Variants in CRY2 observed in about 807,000 individuals in gnomAD.
The protein encoded by CRY2 is cryptochrome-2.
In CRY2, 31 loss-of-function variants were observed where a neutral mutation model predicts 69.5. The ratio of observed to expected loss-of-function variants is 0.45; its 90% CI spans 0.34 to 0.60. The LOEUF (loss-of-function observed/expected upper bound fraction) is 0.60, where lower values mean the gene tolerates loss of function less well. Ranked by LOEUF, CRY2 falls within the 20% of genes least tolerant of loss-of-function variation. CRY2 has a pLI of 0.02. For synonymous variants in CRY2, 303 were observed against 312.2 expected (o/e 0.97, Z 0.31); for missense variants, 606 against 797.8 (o/e 0.76, Z 2.90).
chr11:45,876,494 T>C (rs1270331691), intron 11 of CRY2, among the ~76,000 whole-genome samples: 1 of 152,236 alleles, frequency 6.6e-6, no homozygotes, highest in Non-Finnish European at 1.5e-5. Flanking sequence ...TGCTGACTGC[T>C]CCGGATTCCA....
Position 45,882,371 on chromosome 11 carries a change from C to T in CRY2, c.*1460C>T, listed in dbSNP as rs561791296. 126 of 361,128 alleles carry T rather than the reference C, an allele frequency of 3.5e-4. No individual in the cohort carries two copies. The highest frequency in any genetic ancestry group is 2.4e-3 in the African/African-American group (116 of 47,708). 22.4% of individuals were successfully genotyped at this position (361,128 alleles called of 1,614,324 possible). On this transcript the variant is annotated 3_prime_UTR_variant, in exon 12 of 12. Coordinates refer to ENST00000616080, the MANE Select transcript of CRY2 (RefSeq NM_021117.5). ...GTGTATCATTAAGCTGGCCTTTGGG[C>T]CTTTTCCTTTCTACCTCCCCTGTGA...
chr11:45,873,523 G>A (rs751991968), intron 11 of CRY2, among the ~76,000 whole-genome samples: 13 of 152,228 alleles, frequency 8.5e-5, no homozygotes, highest in East Asian at 1.9e-4. Context: ...AACTTGCCAG[G>A]CTGACACTCT....
intron 10 of CRY2, 101 bp downstream of exon 10, chr11:45,871,035 TATATTCCACCTGGGGCAGTCAG>T: frequency 1.1e-6 from 1 of 935,766 alleles, no homozygotes; most frequent in Non-Finnish European, 1.6e-6. Flanking sequence ...CAGTGGAGCT[TATATTCCACCTGGGGCAGTCAG>T]ATAGTAAAGA....
intron 9 of CRY2, 28 bp from the exon 10 acceptor site, chr11:45,870,814 C>G: frequency 6.3e-7 from 1 of 1,585,940 alleles, no homozygotes; most frequent in South Asian, 1.1e-5. Flanking sequence ...CGAGACGGCA[C>G]TCTGATTACT....
chr11:45,868,272 C>T (rs929453289), intron 6 of CRY2, among the ~76,000 whole-genome samples: 2 of 152,186 alleles, frequency 1.3e-5, no homozygotes, highest in African/African-American at 4.8e-5. Context: ...CCTGTGTTAA[C>T]TGTCCCCAGA....
chr11:45,860,977 C>T lies in CRY2; in HGVS notation c.597C>T (p.Ala199=), dbSNP rs148696589. The T allele has an allele frequency of 3.6e-4, 573 of 1,613,982 alleles. 2 individuals carry two copies. The African/African-American group carries it at 6.7e-3, about 19-fold the overall frequency. Residue 199 remains alanine, a synonymous_variant, in exon 4 of 12, where the codon GCC becomes GCT. Coordinates refer to ENST00000616080, the MANE Select transcript of CRY2 (RefSeq NM_021117.5). The part of the protein sequence containing the change: ...VTSQQMESCR[A]EIQENHDETY... ...GCCAGCAGATGGAGAGCTGCAGGGC[C>T]GAGATCCAGGAGAACCACGACGAGA...
Position 45,867,751 on chromosome 11 carries a change from A to G in CRY2, c.881A>G (p.Lys294Arg). The G allele has an allele frequency of 6.2e-7, 1 of 1,614,180 alleles. No homozygotes were observed. Among genetic ancestry groups the G allele is most frequent in the Non-Finnish European group, 8.5e-7 (1 of 1,180,030 alleles). Reference protein sequence around the residue: ...FYYRLWDLYKKVKRNSTPPLS... With the variant: ...FYYRLWDLYKRVKRNSTPPLS... ...TACCGCCTGTGGGACCTGTATAAAA[A>G]GGTAAGGGGGACATACCTGCCCACA... Residue 294 changes from lysine to arginine, a missense_variant and splice_region_variant, in exon 6 of 12, where the codon AAG becomes AGG. Physicochemically the swap from Lys to Arg is conservative, Grantham distance 26. Coordinates refer to ENST00000616080, the MANE Select transcript of CRY2 (RefSeq NM_021117.5).
chr11:45,852,383 T>C (rs868243552), intron 1 of CRY2, among the ~76,000 whole-genome samples: 2 of 152,126 alleles, frequency 1.3e-5, no homozygotes, highest in Non-Finnish European at 1.5e-5. Context: ...AGGCCCAAGG[T>C]TCTCTCTGGT....
intron 4 of CRY2, 53 bp downstream of exon 4, chr11:45,861,085 G>C (rs754950175): frequency 2.0e-6 from 3 of 1,531,820 alleles, no homozygotes; most frequent in Non-Finnish European, 2.6e-6. Context: ...TTTGTGTAAA[G>C]AAATTCTTTG....
chr11:45,852,851 G>A (rs1197050332), intron 1 of CRY2, among the ~76,000 whole-genome samples: 1 of 152,202 alleles, frequency 6.6e-6, no homozygotes, highest in Non-Finnish European at 1.5e-5. Flanking sequence ...TAATTTTGGA[G>A]GTCTGGGTTA....
At chr11:45,874,332 A>G (rs2086409674) in intron 11 of CRY2, among the ~76,000 whole-genome samples, 1 of 152,104 alleles carries the variant, frequency 6.6e-6, no homozygotes, top group African/African-American at 2.4e-5. Flanking sequence ...GTGGGGGTCT[A>G]TTAATAATAG....
At chr11:45,856,623 C>T (rs1245628928) in intron 2 of CRY2, among the ~76,000 whole-genome samples, 1 of 152,090 alleles carries the variant, frequency 6.6e-6, no homozygotes. Flanking sequence ...GGTGAAACCC[C>T]GTCTCTACTA....
chr11:45,870,300 T>C (rs372324338), intron 8 of CRY2, 30 bp from the exon 9 acceptor site: 2 of 1,614,070 alleles, frequency 1.2e-6, no homozygotes, highest in African/African-American at 1.3e-5. Flanking sequence ...CTGGGTATGC[T>C]GATGGGTCAT....
intron 11 of CRY2, among the ~76,000 whole-genome samples, chr11:45,880,551 AGCAGCT>A (rs1436629900): frequency 1.3e-5 from 2 of 152,166 alleles, no homozygotes; most frequent in East Asian, 3.8e-4. Flanking sequence ...CATCTCTGGC[AGCAGCT>A]GCTGTGCCTT....
At chr11:45,876,709 G>A (rs1467490433) in intron 11 of CRY2, among the ~76,000 whole-genome samples, 2 of 152,198 alleles carry the variant, frequency 1.3e-5, no homozygotes, top group Non-Finnish European at 2.9e-5. Context: ...GCCTGACTGG[G>A]TAGATCATCG....
intron 6 of CRY2, 37 bp from the exon 7 acceptor site, chr11:45,869,469 C>T (rs375923286): frequency 1.6e-5 from 25 of 1,565,358 alleles, no homozygotes; most frequent in African/African-American, 8.1e-5. Flanking sequence ...AAGAGCTGGG[C>T]GAGTGTTTGT....
At chr11:45,875,162 G>T (rs1451763287) in intron 11 of CRY2, among the ~76,000 whole-genome samples, 2 of 152,230 alleles carry the variant, frequency 1.3e-5, no homozygotes, top group Non-Finnish European at 2.9e-5. Context: ...TGTTAACCAG[G>T]AAGTGTGGAT....
chr11:45,850,112 G>T (rs148518545), intron 1 of CRY2, among the ~76,000 whole-genome samples: 1 of 151,564 alleles, frequency 6.6e-6, no homozygotes, highest in East Asian at 1.9e-4. Context: ...TGGGCTCAGC[G>T]ATCCTCCTGC....
chr11:45,863,943 T>G (rs2086309544), intron 5 of CRY2, among the ~76,000 whole-genome samples: 1 of 152,152 alleles, frequency 6.6e-6, no homozygotes, highest in Non-Finnish European at 1.5e-5. Flanking sequence ...AGGGCAAGCA[T>G]CTCTCTATAA....
Sources: gnomAD v4.1 joint callset for allele counts (sites outside exome capture counted in the v4.1 genomes callset) on GRCh38, gnomAD v4.1.1 for gene constraint, MANE v1.5 for transcripts, NCBI Gene and HGNC (gene_info 2026-07-23, HGNC 2026-07-21) for gene names.